Variants in TRIP11 observed in about 807,000 individuals in gnomAD.
The protein encoded by TRIP11 is thyroid hormone receptor interactor 11, also known as thyroid receptor-interacting protein 11.
In TRIP11, 148 loss-of-function variants were observed where a neutral mutation model predicts 223.1. The observed-to-expected ratio is 0.66, with a 90% confidence interval of 0.58 to 0.76. The LOEUF (loss-of-function observed/expected upper bound fraction) is 0.76. TRIP11 is among the 30% of genes least tolerant of loss of function. The probability of loss-of-function intolerance (pLI) is 0.00; values close to 1 mark genes in which losing one functional copy is unlikely to be tolerated. For synonymous variants in TRIP11, 762 were observed against 772.6 expected (o/e 0.99, Z 0.23); for missense variants, 2,043 against 2,222.0 (o/e 0.92, Z 1.62).
At chr14:92,019,935 C>G (rs1045338622) in intron 4 of TRIP11, among the ~76,000 whole-genome samples, 10 of 152,144 alleles carry the variant, frequency 6.6e-5, no homozygotes, top group African/African-American at 2.4e-4. Context: ...AGACCTGGGT[C>G]CCATCCTCAA....
At position 92,005,071 on chromosome 14, in the gene TRIP11, G is replaced by A; in HGVS notation, c.2905C>T (p.Gln969Ter). The A allele has an allele frequency of 6.2e-7, 1 of 1,613,622 alleles. No individual in the cohort carries two copies. Among genetic ancestry groups the A allele is most frequent in the Non-Finnish European group, 8.5e-7 (1 of 1,179,954 alleles). Residue 969 changes from glutamine (Q) to a stop codon, truncating the protein, a stop_gained, in exon 11 of 21, where the codon CAA becomes TAA. Coordinates refer to ENST00000267622, the MANE Select transcript of TRIP11 (RefSeq NM_004239.4). LOFTEE classifies it high-confidence loss of function. The stretch of plus-strand genomic sequence containing the variant: ...GTTTTGATTTGTTCAATTGTTTTTT[G>A]CAAACTCTTAATTTCCTCATCCTTC... ...LEKDEEIKSL[Q>*]KTIEQIKTQL...
At chr14:92,026,011 C>T (rs750038372) in intron 2 of TRIP11, among the ~76,000 whole-genome samples, 38 of 152,312 alleles carry the variant, frequency 2.5e-4, no homozygotes, top group Non-Finnish European at 4.9e-4. Context: ...CAATGTTTCC[C>T]CATCTTTGTA....
At chr14:91,990,999 A>AG (rs1296357742) in intron 15 of TRIP11, among the ~76,000 whole-genome samples, 5 of 152,230 alleles carry the variant, frequency 3.3e-5, no homozygotes, top group African/African-American at 1.2e-4. Context: ...ACTGGTAATT[A>AG]GGGAAGTGCA....
rs1415816699 is a variant in TRIP11, at chr14:92,015,881, G to A, written c.658-20C>T. 4 of 1,586,088 alleles carry A rather than the reference G, an allele frequency of 2.5e-6. No homozygotes were observed. In the East Asian group the frequency reaches 9.1e-5, roughly 36 times the overall value. On this transcript the variant is annotated intron_variant, in intron 5 of 20. Coordinates refer to ENST00000267622, the MANE Select transcript of TRIP11 (RefSeq NM_004239.4). ...TAGTTCCTTAAAAAATAAAAACAAAGTTATTCACATTTATAATCAATAAAT... is the reference window on the plus strand; with the variant it reads ...TAGTTCCTTAAAAAATAAAAACAAAATTATTCACATTTATAATCAATAAAT...
chr14:91,969,385 G>T lies in TRIP11; in HGVS notation c.*288C>A, dbSNP rs61988386. 0.01 allele frequency: 4,354 copies of T among 426,600 alleles called. 41 individuals carry two copies. The highest frequency in any genetic ancestry group is 0.013 in the Non-Finnish European group (3,033 of 233,802). The allele number at this position is 426,600 out of a possible 1,614,324, so 26.4% of individuals were successfully genotyped here. A position where few individuals can be genotyped will look rare whatever the true frequency, so the allele number is the denominator to read the frequency against. ...ATAAAAAGCTGCCATATAGCTACTA[G>T]TATTTTTGTCTGTCTGTATTTTTGT... On this transcript the variant is annotated 3_prime_UTR_variant, in exon 21 of 21. Coordinates refer to ENST00000267622, the MANE Select transcript of TRIP11 (RefSeq NM_004239.4).
In TRIP11 at chr14:92,005,120, G is replaced by T. The variant is rs762917045; in HGVS notation, c.2856C>A (p.Ala952=). Residue 952 remains alanine, a synonymous_variant, in exon 11 of 21, where the codon GCC becomes GCA. Transcript: ENST00000267622. ...EFRYQHEQMN[A]THTQLFLEKD... is the part of the protein sequence containing the mutation. The stretch of plus-strand genomic sequence containing the variant: ...TCTCTAAAAAGAGCTGGGTGTGTGT[G>T]GCGTTCATTTGCTCATGCTGGTATC... 1.9e-6 allele frequency: 3 copies of T among 1,613,522 alleles called. No homozygotes were observed. Among genetic ancestry groups the T allele is most frequent in the Non-Finnish European group, 8.5e-7 (1 of 1,180,024 alleles).
chr14:92,019,362 T>A (rs2057080961), intron 4 of TRIP11, among the ~76,000 whole-genome samples: 1 of 152,142 alleles, frequency 6.6e-6, no homozygotes, highest in African/African-American at 2.4e-5. Flanking sequence ...CAAATTGATA[T>A]CCCTGAAGGT....
Position 91,978,020 on chromosome 14 carries a change from A to G in TRIP11, c.5261-1831T>C, listed in dbSNP as rs1160972994. 1.3e-5 allele frequency among the ~76,000 whole-genome samples: 2 copies of G among 152,102 alleles called. No individual in the cohort carries two copies. The highest frequency in any genetic ancestry group is 2.9e-5 in the Non-Finnish European group (2 of 68,018). ...TCCTGTCTTTCCAGTAAGGAATTTA[A>G]ACTTGGACGAGAGAGGGAGAGAGAG... On this transcript the variant is annotated intron_variant, in intron 16 of 20. Coordinates refer to ENST00000267622, the MANE Select transcript of TRIP11 (RefSeq NM_004239.4). The surrounding 1 kb of genome is among the most constrained non-coding windows in gnomAD (Gnocchi z 4.4).
chr14:92,004,712 T>C lies in TRIP11; in HGVS notation c.3264A>G (p.Gln1088=), dbSNP rs138702943. The part of the protein sequence containing the change: ...TSHTQDVVYL[Q]QQLQAYAMER... Reference sequence around the variant, plus strand: ...CCATAGCATAAGCCTGCAGTTGCTGTTGAAGGTAAACAACATCTTGAGTAT... The same window carrying C: ...CCATAGCATAAGCCTGCAGTTGCTGCTGAAGGTAAACAACATCTTGAGTAT... The change falls in exon 11 of 21, where the codon CAA becomes CAG. Residue 1088 remains glutamine (Q), a synonymous_variant. Coordinates refer to ENST00000267622, the MANE Select transcript of TRIP11 (RefSeq NM_004239.4). 7.6e-5 allele frequency: 122 copies of C among 1,614,072 alleles called. No individual in the cohort carries two copies. In the African/African-American group the frequency reaches 1.3e-3, roughly 17 times the overall value.
chr14:92,017,621 A>C (rs1172654426), intron 5 of TRIP11, 61 bp downstream of exon 5: 12 of 1,295,394 alleles, frequency 9.3e-6, no homozygotes, highest in Non-Finnish European at 1.3e-5. Context: ...ATTCAGGCCT[A>C]TGCTTTTAAT....
chr14:92,018,326 A>G (rs2057062767), intron 4 of TRIP11, among the ~76,000 whole-genome samples: 1 of 152,004 alleles, frequency 6.6e-6, no homozygotes, highest in Admixed American at 6.6e-5. Flanking sequence ...CCTGGCTGCA[A>G]GTAATCCTCC....
Position 92,005,666 on chromosome 14 carries a change from CTTTT to C in TRIP11, c.2306_2309del (p.Gln769ArgfsTer6). 2 of 1,613,706 alleles carry C rather than the reference CTTTT, an allele frequency of 1.2e-6. No homozygotes were observed. Among genetic ancestry groups the C allele is most frequent in the Non-Finnish European group, 1.7e-6 (2 of 1,179,986 alleles). ...TGAGTTCTGCTATTTCCATGTCTTT[CTTTT>C]GATTGAGTTTAATTAAATGCTCATG... On this transcript the variant is annotated frameshift_variant, in exon 11 of 21. Transcript: ENST00000267622. LOFTEE classifies it high-confidence loss of function.
chr14:92,003,381 C>G, intron 11 of TRIP11, 38 bp downstream of exon 11: 1 of 1,609,484 alleles, frequency 6.2e-7, no homozygotes, highest in South Asian at 1.1e-5. Flanking sequence ...TCTCCTCCAC[C>G]CCCAACTTCC....
chr14:91,987,833 C>T (rs1328514666), intron 16 of TRIP11, among the ~76,000 whole-genome samples: 2 of 152,176 alleles, frequency 1.3e-5, no homozygotes, highest in African/African-American at 4.8e-5. Context: ...CATGATGCAC[C>T]TGTGGTAAAA....
At chr14:91,988,126 C>T (rs2056625185) in intron 16 of TRIP11, among the ~76,000 whole-genome samples, 158 bp downstream of exon 16, 1 of 152,146 alleles carries the variant, frequency 6.6e-6, no homozygotes, top group Non-Finnish European at 1.5e-5. Flanking sequence ...TCACTAGGAC[C>T]ATACTTAAAT....
At chr14:92,013,207 C>T (rs557772233) in intron 7 of TRIP11, among the ~76,000 whole-genome samples, 1 of 152,212 alleles carries the variant, frequency 6.6e-6, no homozygotes, top group Non-Finnish European at 1.5e-5. Flanking sequence ...GTGGAGGTTG[C>T]AGTGAACCGA....
chr14:91,997,058 T>A (rs2056760257), intron 13 of TRIP11, among the ~76,000 whole-genome samples: 1 of 152,182 alleles, frequency 6.6e-6, no homozygotes, highest in Non-Finnish European at 1.5e-5. Flanking sequence ...AGCACCCTCT[T>A]GTGGAAAGAG....
chr14:92,039,804 C>A lies in TRIP11; in HGVS notation c.-119G>T, dbSNP rs2057365116. The A allele has an allele frequency of 1.9e-6, 3 of 1,546,798 alleles. No homozygotes were observed. In the East Asian group the frequency reaches 7.3e-5, roughly 38 times the overall value. On this transcript the variant is annotated 5_prime_UTR_variant, in exon 1 of 21. Coordinates refer to ENST00000267622, the MANE Select transcript of TRIP11 (RefSeq NM_004239.4). ...CTTCGCGAGACAGGATACGATAACA[C>A]AAAGCTGGGTTCTCAGGCAAGGCCG...
chr14:91,993,854 C>A lies in TRIP11; in HGVS notation c.5115G>T (p.Trp1705Cys). The change falls in exon 15 of 21, where the codon TGG (tryptophan) becomes TGT (cysteine). Residue 1705 changes from tryptophan to cysteine, a missense_variant. Coordinates refer to ENST00000267622, the MANE Select transcript of TRIP11 (RefSeq NM_004239.4). ...CTTCCAGATTTTCTGCGTTTTTCTT[C>A]CATTCAGCTATAAGCTGTTTTTGCT... ...LEKQKQLIAE[W>C]KKNAENLEGK... is the part of the protein sequence containing the mutation. 2 of 1,613,824 alleles carry A rather than the reference C, an allele frequency of 1.2e-6. No homozygotes were observed. Among genetic ancestry groups the A allele is most frequent in the South Asian group, 2.2e-5 (2 of 91,074 alleles).
Sources: allele counts gnomAD v4.1 joint callset (sites outside exome capture counted in the v4.1 genomes callset), GRCh38; gene constraint gnomAD v4.1.1; non-coding constraint Gnocchi (gnomAD v3.1); transcripts MANE v1.5; gene names NCBI Gene and HGNC (gene_info 2026-07-23, HGNC 2026-07-21).